The following ADGRG2 variants were observed in gnomAD, a reference collection of about 807,000 sequenced individuals.
ADGRG2 encodes the protein adhesion G protein-coupled receptor G2, also known as G protein-coupled receptor 64.
A neutral mutation model predicts 74.1 loss-of-function variants in ADGRG2; 26 were observed. The observed-to-expected ratio is 0.35, with a 90% CI of 0.26 to 0.49. ADGRG2 has a LOEUF of 0.49. Ranked by LOEUF, ADGRG2 falls within the 20% of genes least tolerant of loss-of-function variation. ADGRG2 has a pLI of 0.99. For synonymous variants in ADGRG2, 296 were observed against 295.2 expected (o/e 1.00, Z -0.03); for missense variants, 619 against 763.1 (o/e 0.81, Z 2.22).
chrX:19,058,748 G>T (rs2061441346), intron 3 of ADGRG2, among the ~76,000 whole-genome samples: 1 of 112,276 alleles, frequency 8.9e-6, no homozygotes, highest in Non-Finnish European at 1.9e-5. Flanking sequence ...CATTGCAAAA[G>T]TATCTCTAAC....
rs1217060406 is a variant in ADGRG2 at position 18,999,152 on chromosome X, GCTT to G, written c.2455_2457del (p.Lys819del). ...CTGGTTTTTCGCTGGGCTCCCAGTTGCTTCTTCTTTTTAATTCGACAGAGCTGA... is the reference window on the plus strand; with the variant it reads ...CTGGTTTTTCGCTGGGCTCCCAGTTGCTTCTTTTTAATTCGACAGAGCTGA... On this transcript the variant is annotated inframe_deletion, in exon 26 of 29. Transcript: ENST00000379869. The G allele has an allele frequency of 5.8e-6, 7 of 1,209,087 alleles. No individual in the cohort carries two copies. Among genetic ancestry groups the G allele is most frequent in the Non-Finnish European group, 5.6e-6 (5 of 894,611 alleles).
Position 18,999,848 on chromosome X carries a change from G to A in ADGRG2, c.2330+13C>T. 9.6e-7 allele frequency: 1 copy of A among 1,042,573 alleles called. No homozygotes were observed. The highest frequency in any genetic ancestry group is 3.0e-5 in the East Asian group (1 of 33,038). 85.9% of individuals were successfully genotyped at this position (1,042,573 alleles called of 1,213,427 possible). ...AGTTCACTTAGCATTCCCTTAGGGGGCTTTGTACTCACAAGTCATCCGGTG... is the reference window on the plus strand; with the variant it reads ...AGTTCACTTAGCATTCCCTTAGGGGACTTTGTACTCACAAGTCATCCGGTG... On this transcript the variant is annotated intron_variant, in intron 25 of 28. Transcript: ENST00000379869.
At chrX:19,099,539 G>A (rs2062153589) in intron 1 of ADGRG2, among the ~76,000 whole-genome samples, 2 of 112,142 alleles carry the variant, frequency 1.8e-5, no homozygotes, top group Admixed American at 1.9e-4. Flanking sequence ...GGCACAGAGA[G>A]GTTAAATAAC....
In ADGRG2 at chrX:19,091,101, A is replaced by C. The variant is rs147526538; in HGVS notation, c.-46-8355T>G. On this transcript the variant is annotated intron_variant, in intron 1 of 28. Transcript: ENST00000379869. ...ACTGTGGCAAGAGGGAATGTCACTC[A>C]TGTAAGGAACTGAAGAAAGGTAGGA... is the stretch of plus-strand genomic sequence containing the variant. Among the ~76,000 whole-genome samples, 492 of 111,545 alleles carry C rather than the reference A, an allele frequency of 4.4e-3. 3 individuals carry two copies. Among genetic ancestry groups the C allele is most frequent in the African/African-American group, 0.015 (459 of 30,713 alleles).
chrX:19,078,694 G>A (rs1469019672), intron 2 of ADGRG2, among the ~76,000 whole-genome samples: 2 of 110,106 alleles, frequency 1.8e-5, no homozygotes, highest in African/African-American at 6.6e-5. Flanking sequence ...AAAAGAGAAA[G>A]GCTTAAAATT....
chrX:19,088,525 T>C (rs2061968394), intron 1 of ADGRG2, among the ~76,000 whole-genome samples: 1 of 111,944 alleles, frequency 8.9e-6, no homozygotes, highest in South Asian at 3.7e-4. Context: ...AGACTGGGTC[T>C]CCTCTGTTGC....
At chrX:19,021,690 G>A (rs2060591641) in intron 13 of ADGRG2, among the ~76,000 whole-genome samples, 1 of 110,538 alleles carries the variant, frequency 9.0e-6, no homozygotes, top group Non-Finnish European at 1.9e-5. Flanking sequence ...CTCTTGCCCA[G>A]GTTGGAGTGC....
intron 1 of ADGRG2, among the ~76,000 whole-genome samples, chrX:19,086,828 A>G (rs2061942506): frequency 8.9e-6 from 1 of 111,908 alleles, no homozygotes; most frequent in South Asian, 3.8e-4. Flanking sequence ...ATGATTCATT[A>G]GTGACCTAGA....
intron 2 of ADGRG2, among the ~76,000 whole-genome samples, chrX:19,069,388 C>T (rs1211861489): frequency 9.1e-6 from 1 of 110,389 alleles, no homozygotes; most frequent in African/African-American, 3.3e-5. Flanking sequence ...CGGAGTTTCG[C>T]TCTTGTATGT....
chrX:19,044,973 C>T (rs1370992529), intron 3 of ADGRG2, among the ~76,000 whole-genome samples: 1 of 111,810 alleles, frequency 8.9e-6, no homozygotes, highest in Non-Finnish European at 1.9e-5. Flanking sequence ...TCCTGGATTA[C>T]CTGGGTGGGC....
chrX:19,060,298 A>G (rs940835788), intron 3 of ADGRG2, among the ~76,000 whole-genome samples: 2 of 112,381 alleles, frequency 1.8e-5, no homozygotes, highest in African/African-American at 6.5e-5. Flanking sequence ...TGGCTTTGTT[A>G]TAACTTTAAA....
chrX:19,042,892 G>A (rs1295739906), intron 3 of ADGRG2, among the ~76,000 whole-genome samples: 1 of 110,820 alleles, frequency 9.0e-6, no homozygotes, highest in Non-Finnish European at 1.9e-5. Flanking sequence ...TTGGGAGGCG[G>A]AGGCATGAGA....
chrX:19,057,892 T>C (rs1330656749), intron 3 of ADGRG2, among the ~76,000 whole-genome samples: 1 of 111,988 alleles, frequency 8.9e-6, no homozygotes, highest in Admixed American at 9.5e-5. Flanking sequence ...CGTTTGGGAT[T>C]ATATCAATAC....
chrX:19,121,681 G>C lies in ADGRG2; in HGVS notation c.-47+761C>G, dbSNP rs757741399. 7.2e-5 allele frequency among the ~76,000 whole-genome samples: 8 copies of C among 110,364 alleles called. 1 individual carries two copies. Among genetic ancestry groups the C allele is most frequent in the African/African-American group, 2.6e-4 (8 of 30,333 alleles). ...CCCCCACCCCAGACCTGCGGGATCA[G>C]AATCTCATTTTAACGGGATCCCTGG... On this transcript the variant is annotated intron_variant, in intron 1 of 28. Coordinates refer to ENST00000379869, the MANE Select transcript of ADGRG2 (RefSeq NM_001079858.3).
At chrX:19,067,088 A>G (rs1392217808) in intron 3 of ADGRG2, among the ~76,000 whole-genome samples, 2 of 111,895 alleles carry the variant, frequency 1.8e-5, no homozygotes, top group African/African-American at 6.5e-5. Context: ...GACAGGAAAT[A>G]TCCTCACCAT....
chrX:19,031,855 A>G (rs746488322), intron 8 of ADGRG2: 11 of 112,415 alleles, frequency 9.8e-5, no homozygotes, highest in Non-Finnish European at 1.7e-4. Flanking sequence ...TTACTTCTCT[A>G]AAAAGCCTTC....
chrX:19,035,836 G>A, intron 7 of ADGRG2, 106 bp downstream of exon 7: 1 of 422,661 alleles, frequency 2.4e-6, no homozygotes, highest in Non-Finnish European at 4.2e-6. Flanking sequence ...AGGAAAAAGG[G>A]CAAGGAGGCA....
chrX:19,058,154 T>C (rs757071749), intron 3 of ADGRG2, among the ~76,000 whole-genome samples: 2 of 112,204 alleles, frequency 1.8e-5, no homozygotes, highest in Non-Finnish European at 3.8e-5. Context: ...CCAAAGTTTA[T>C]TCTTTTAATC....
chrX:19,033,821 C>T (rs2060877578), intron 7 of ADGRG2, 167 bp from the exon 8 acceptor site: 2 of 350,927 alleles, frequency 5.7e-6, no homozygotes, highest in East Asian at 5.0e-5. Flanking sequence ...ACCGCATCCA[C>T]GGATCATGTA....
Sources: gnomAD v4.1 joint callset for allele counts (sites outside exome capture counted in the v4.1 genomes callset) on GRCh38, gnomAD v4.1.1 for gene constraint, MANE v1.5 for transcripts, NCBI Gene and HGNC (gene_info 2026-07-23, HGNC 2026-07-21) for gene names.